UBR3: variants seen among roughly 807,000 people sequenced by gnomAD.
UBR3 encodes E3 ubiquitin-protein ligase UBR3.
In UBR3, 85 loss-of-function variants were observed where a neutral mutation model predicts 243.2. That is an observed-to-expected ratio of 0.35 (90% CI 0.29 to 0.42). The LOEUF is 0.42. UBR3 is among the 10% of genes least tolerant of loss of function. UBR3 has a pLI of 1.00. For synonymous variants in UBR3, 748 were observed against 799.8 expected, an observed-to-expected ratio of 0.94 and a Z score of 1.09; for missense variants, 1,686 against 2,300.8, an observed-to-expected ratio of 0.73 and a Z score of 5.47.
At chr2:169,895,498 C>A (rs2084548564) in intron 7 of UBR3, among the ~76,000 whole-genome samples, 187 bp downstream of exon 7, 2 of 152,202 alleles carry the variant, frequency 1.3e-5, no homozygotes, top group South Asian at 4.1e-4. Context: ...GGCAAAGCAG[C>A]ATTACTCAGC....
In UBR3 at chr2:170,083,801, T is replaced by TA. The variant is rs1260029344; in HGVS notation, c.*1964dup. On this transcript the variant is annotated 3_prime_UTR_variant, in exon 39 of 39. Transcript: ENST00000272793. ...TGGTGAATTAGTCACCAGTAAATTT[T>TA]AAAAAAGCACTTGGTTGAAAATTGT... The TA allele has an allele frequency of 1.3e-5, 2 of 152,602 alleles. No individual in the cohort carries two copies. The highest frequency in any genetic ancestry group is 2.9e-5 in the Non-Finnish European group (2 of 68,002). 9.5% of individuals were successfully genotyped at this position (152,602 alleles called of 1,614,324 possible).
At chr2:169,838,699 C>A (rs1439428846) in intron 1 of UBR3, among the ~76,000 whole-genome samples, 1 of 152,162 alleles carries the variant, frequency 6.6e-6, no homozygotes, top group Admixed American at 6.5e-5. Context: ...TTTTCACATA[C>A]AAATACATTC....
At chr2:169,886,342 CAGTT>C (rs1398710731) in intron 5 of UBR3, among the ~76,000 whole-genome samples, 5 of 152,072 alleles carry the variant, frequency 3.3e-5, no homozygotes, top group Admixed American at 3.3e-4. Context: ...ACATTCCTGA[CAGTT>C]GGTAAGCCTC....
intron 25 of UBR3, among the ~76,000 whole-genome samples, chr2:169,992,183 A>G (rs1380570424): frequency 6.6e-6 from 1 of 152,222 alleles, no homozygotes; most frequent in Non-Finnish European, 1.5e-5. Flanking sequence ...GATTTCCTAC[A>G]AATATACAAA....
chr2:169,835,993 G>GTCCCCCCCTCTCTCTCTC, intron 1 of UBR3, among the ~76,000 whole-genome samples: 1 of 30,730 alleles, frequency 3.3e-5, no homozygotes, highest in Middle Eastern at 0.02. Flanking sequence ...TGTGTGCACT[G>GTCCCCCCCTCTCTCTCTC]TCTCTCTCTC....
chr2:169,871,303 A>T (rs1489288552), intron 1 of UBR3, among the ~76,000 whole-genome samples: 1 of 152,058 alleles, frequency 6.6e-6, no homozygotes, highest in African/African-American at 2.4e-5. Flanking sequence ...AGTAAAAATA[A>T]AAAAATTAGC....
intron 18 of UBR3, among the ~76,000 whole-genome samples, chr2:169,931,828 C>A (rs2086144421): frequency 6.6e-6 from 1 of 152,008 alleles, no homozygotes. Flanking sequence ...TTGCAAGTTA[C>A]AATTTTCTAA....
At chr2:170,029,863 G>T (rs1442106072) in intron 31 of UBR3, among the ~76,000 whole-genome samples, 1 of 152,038 alleles carries the variant, frequency 6.6e-6, no homozygotes, top group Admixed American at 6.6e-5. Flanking sequence ...ATTAGGTGCT[G>T]CAAAATGGTG....
At chr2:170,044,026 G>T (rs1416007135) in intron 32 of UBR3, among the ~76,000 whole-genome samples, 1 of 151,996 alleles carries the variant, frequency 6.6e-6, no homozygotes, top group Non-Finnish European at 1.5e-5. Flanking sequence ...TAATTCCTAG[G>T]AAGTTCAGAG....
intron 27 of UBR3, among the ~76,000 whole-genome samples, chr2:170,001,939 A>AAAAAAAAAAAAAAAAG (rs1553531165): frequency 8.6e-5 from 10 of 116,194 alleles, no homozygotes; most frequent in African/African-American, 3.0e-4. Context: ...AAAAAAAAAA[A>AAAAAAAAAAAAAAAAG]AAAGAAAGAA....
rs1195274249 is a variant in UBR3, at chr2:169,991,881, C to T, written c.3785-2442C>T. Among the ~76,000 whole-genome samples, 8 of 151,914 alleles carry T rather than the reference C, an allele frequency of 5.3e-5. No individual in the cohort carries two copies. The East Asian group carries it at 1.3e-3, about 26-fold the overall frequency. On this transcript the variant is annotated intron_variant, in intron 25 of 38. Transcript: ENST00000272793. ...ACAGGTGTGAGCCACCGTGCCTGGC[C>T]TAAAACAACATACTCTTAAACAACC... is the stretch of plus-strand genomic sequence containing the variant.
Position 169,827,546 on chromosome 2 carries a change from G to T in UBR3, c.39G>T (p.Gln13His). The change falls in exon 1 of 39, where the codon CAG (glutamine) becomes CAT (histidine). Residue 13 changes from glutamine to histidine, a missense_variant. Transcript: ENST00000272793. ...CCGCGGCGGCCGTCGGGGGCCAGCA[G>T]CCGTCACAGCCCGAGCTGCCCGCGC... ...AAAAAAVGGQ[Q>H]PSQPELPAPG... 1 of 1,232,600 alleles carries T rather than the reference G, an allele frequency of 8.1e-7. No individual in the cohort carries two copies. The highest frequency in any genetic ancestry group is 1.0e-6 in the Non-Finnish European group (1 of 989,466). 76.4% of individuals were successfully genotyped at this position (1,232,600 alleles called of 1,614,324 possible).
At chr2:170,003,940 A>G (rs1020724277) in intron 27 of UBR3, among the ~76,000 whole-genome samples, 3 of 151,928 alleles carry the variant, frequency 2.0e-5, no homozygotes, top group African/African-American at 7.2e-5. Context: ...GTGCCTGGCC[A>G]TCTGCCAGGT....
chr2:169,841,353 G>C (rs2082280200), intron 1 of UBR3, among the ~76,000 whole-genome samples: 1 of 151,952 alleles, frequency 6.6e-6, no homozygotes, highest in Admixed American at 6.6e-5. Context: ...GTGGTAGTGA[G>C]AGGTGACAGC....
chr2:169,948,769 C>T (rs1459313700), intron 22 of UBR3, among the ~76,000 whole-genome samples: 1 of 151,956 alleles, frequency 6.6e-6, no homozygotes, highest in Non-Finnish European at 1.5e-5. Context: ...AGCATCCTTT[C>T]TATGCTCGCT....
At chr2:169,989,677 CATA>C (rs1167181419) in intron 25 of UBR3, among the ~76,000 whole-genome samples, 2 of 152,114 alleles carry the variant, frequency 1.3e-5, no homozygotes, top group African/African-American at 4.8e-5. Context: ...GCAGGGTAGA[CATA>C]GTATTCTTTC....
At chr2:169,932,370 G>A (rs1033407601) in intron 18 of UBR3, among the ~76,000 whole-genome samples, 4 of 152,242 alleles carry the variant, frequency 2.6e-5, no homozygotes, top group Middle Eastern at 3.4e-3. Flanking sequence ...GAGCCACCGT[G>A]TCCAGCCTCA....
At chr2:169,834,839 T>A (rs183677378) in intron 1 of UBR3, among the ~76,000 whole-genome samples, 47 of 152,294 alleles carry the variant, frequency 3.1e-4, no homozygotes, top group African/African-American at 1.0e-3. Flanking sequence ...TAAAAAGTAA[T>A]AAAATTCTGA....
chr2:170,077,344 G>A (rs2091831068), intron 36 of UBR3: 4 of 894,266 alleles, frequency 4.5e-6, no homozygotes, highest in Non-Finnish European at 7.6e-6. Context: ...ATTCACCTCA[G>A]TAACAGTACC....
Sources: gnomAD v4.1 joint callset for allele counts (sites outside exome capture counted in the v4.1 genomes callset) on GRCh38, gnomAD v4.1.1 for gene constraint, MANE v1.5 for transcripts, NCBI Gene and HGNC (gene_info 2026-07-23, HGNC 2026-07-21) for gene names.